KCNIP4: variants seen among roughly 807,000 people sequenced by gnomAD.
KCNIP4 encodes the protein potassium voltage-gated channel interacting protein 4, also known as Kv channel-interacting protein 4.
In KCNIP4, 12 loss-of-function variants were observed where a neutral mutation model predicts 34.0. The ratio of observed to expected loss-of-function variants is 0.35; its 90% confidence interval spans 0.23 to 0.57. KCNIP4 has a LOEUF of 0.57. Among genes scored for constraint, KCNIP4 ranks in the 20% least tolerant of loss-of-function variants. The probability of loss-of-function intolerance (pLI) is 0.83; values close to 1 mark genes in which losing one functional copy is unlikely to be tolerated. For missense variants in KCNIP4, 238 were observed against 311.7 expected (o/e 0.76, Z 1.78); for synonymous variants, 124 against 102.2 (o/e 1.21, Z -1.29).
At chr4:20,888,219 A>G (rs1725530950) in intron 1 of KCNIP4, among the ~76,000 whole-genome samples, 1 of 152,148 alleles carries the variant, frequency 6.6e-6, no homozygotes, top group African/African-American at 2.4e-5. Flanking sequence ...AAAATACATA[A>G]GATAGTAAAT....
chr4:20,800,207 A>G (rs1714049951), intron 3 of KCNIP4, among the ~76,000 whole-genome samples: 1 of 152,234 alleles, frequency 6.6e-6, no homozygotes, highest in Admixed American at 6.5e-5. Flanking sequence ...AGCTGCATAC[A>G]GACTGTATCA....
At chr4:20,903,784 T>A (rs1318033654) in intron 1 of KCNIP4, among the ~76,000 whole-genome samples, 1 of 152,132 alleles carries the variant, frequency 6.6e-6, no homozygotes, top group Non-Finnish European at 1.5e-5. Context: ...AGAATAAACC[T>A]CTTCAAATAT....
chr4:21,423,422 T>A (rs1426650081), intron 1 of KCNIP4, among the ~76,000 whole-genome samples: 2 of 152,224 alleles, frequency 1.3e-5, no homozygotes, highest in African/African-American at 4.8e-5. Context: ...ACTTACAGAA[T>A]GCATTGTTCC....
intron 1 of KCNIP4, among the ~76,000 whole-genome samples, chr4:21,070,025 C>T (rs555389432): frequency 1.3e-5 from 2 of 152,312 alleles, no homozygotes; most frequent in Admixed American, 6.5e-5. Flanking sequence ...TGGGCAATCA[C>T]TAACCTCGGA....
At chr4:20,987,370 A>G (rs1462599705) in intron 1 of KCNIP4, among the ~76,000 whole-genome samples, 2 of 151,840 alleles carry the variant, frequency 1.3e-5, no homozygotes, top group East Asian at 3.9e-4. Context: ...CTTTCTTTAC[A>G]TTGTAATGAG....
intron 1 of KCNIP4, among the ~76,000 whole-genome samples, chr4:21,536,966 A>C (rs1390763204): frequency 6.6e-6 from 1 of 152,146 alleles, no homozygotes; most frequent in African/African-American, 2.4e-5. Context: ...GCTGTTTCCA[A>C]AACAGGCCAA....
intron 1 of KCNIP4, among the ~76,000 whole-genome samples, chr4:21,345,144 G>A (rs967172103): frequency 2.0e-5 from 3 of 152,076 alleles, no homozygotes; most frequent in African/African-American, 7.2e-5. Context: ...CTTCTGTCTT[G>A]GGAGGGCTCT....
chr4:20,850,684 GAA>G lies in KCNIP4; in HGVS notation c.164-19_164-18del. On this transcript the variant is annotated intron_variant, in intron 2 of 8. Coordinates refer to ENST00000382152, the MANE Select transcript of KCNIP4 (RefSeq NM_025221.6). The stretch of plus-strand genomic sequence containing the variant: ...CCACGCTGTCTGTGGAGGAAAACAA[GAA>G]AGAGTCTTAGGACCAGCCACTGCTC... 6.2e-7 allele frequency: 1 copy of G among 1,610,246 alleles called. No individual in the cohort carries two copies. The highest frequency in any genetic ancestry group is 8.5e-7 in the Non-Finnish European group (1 of 1,178,860).
chr4:21,741,554 A>G (rs1399679478), intron 1 of KCNIP4, among the ~76,000 whole-genome samples: 1 of 152,134 alleles, frequency 6.6e-6, no homozygotes, highest in Non-Finnish European at 1.5e-5. Context: ...TCTATACTTT[A>G]AGCCTCACCA....
intron 1 of KCNIP4, among the ~76,000 whole-genome samples, chr4:20,982,623 T>C (rs1413945810): frequency 6.6e-6 from 1 of 152,266 alleles, no homozygotes; most frequent in Non-Finnish European, 1.5e-5. Context: ...TGTTCTTATA[T>C]TGTCTAAACA....
At chr4:21,346,471 A>T (rs1381926812) in intron 1 of KCNIP4, among the ~76,000 whole-genome samples, 2 of 150,542 alleles carry the variant, frequency 1.3e-5, no homozygotes, top group Admixed American at 1.4e-4. Flanking sequence ...TTTGATGTGG[A>T]AATGAATTTC....
intron 1 of KCNIP4, among the ~76,000 whole-genome samples, chr4:21,271,280 A>G (rs1271187810): frequency 6.6e-6 from 1 of 152,194 alleles, no homozygotes; most frequent in African/African-American, 2.4e-5. Context: ...AGTGTCTGAC[A>G]GGTTATGGTC....
rs1315494750 is a variant in KCNIP4 at position 21,113,256 on chromosome 4, A to T, written c.62-230547T>A. Among the ~76,000 whole-genome samples, 6 of 152,196 alleles carry T rather than the reference A, an allele frequency of 3.9e-5. No homozygotes were observed. The East Asian group carries it at 1.2e-3, about 29-fold the overall frequency. The stretch of plus-strand genomic sequence containing the variant: ...GAAACAAGTTCTTTCAAAAGTAACA[A>T]AGAAAATCTCATCAAATTGGATTTC... On this transcript the variant is annotated intron_variant, in intron 1 of 8. Coordinates refer to ENST00000382152, the MANE Select transcript of KCNIP4 (RefSeq NM_025221.6).
At chr4:20,749,258 C>G (rs1212386017) in intron 5 of KCNIP4, among the ~76,000 whole-genome samples, 1 of 151,882 alleles carries the variant, frequency 6.6e-6, no homozygotes. Context: ...TAGTCTTTTT[C>G]TACATTTAAT....
intron 1 of KCNIP4, among the ~76,000 whole-genome samples, chr4:21,924,175 T>G (rs1414035740): frequency 6.6e-6 from 1 of 152,018 alleles, no homozygotes; most frequent in Non-Finnish European, 1.5e-5. Context: ...CTCCTTTAAC[T>G]GAATAGTAAT....
intron 1 of KCNIP4, among the ~76,000 whole-genome samples, chr4:21,795,076 A>C (rs1056638690): frequency 2.0e-5 from 3 of 152,130 alleles, no homozygotes; most frequent in Admixed American, 6.5e-5. Flanking sequence ...TCAAACTGAG[A>C]TTGTACCTCA....
chr4:21,515,579 C>A (rs1734690420), intron 1 of KCNIP4, among the ~76,000 whole-genome samples: 3 of 152,038 alleles, frequency 2.0e-5, no homozygotes, highest in Non-Finnish European at 4.4e-5. Flanking sequence ...GCGGAGCTTG[C>A]AGTGAGCCGA....
At chr4:21,854,487 T>C (rs1306201788) in intron 1 of KCNIP4, among the ~76,000 whole-genome samples, 1 of 152,190 alleles carries the variant, frequency 6.6e-6, no homozygotes, top group East Asian at 1.9e-4. Context: ...TCTCCCCTTT[T>C]GAGTGTTTAT....
chr4:21,707,806 G>C (rs1045317563), intron 1 of KCNIP4, among the ~76,000 whole-genome samples: 1 of 152,056 alleles, frequency 6.6e-6, no homozygotes, highest in Non-Finnish European at 1.5e-5. Flanking sequence ...TGAGGGGTCA[G>C]TATGGTTAGG....
Sources: gnomAD v4.1 joint callset for allele counts (sites outside exome capture counted in the v4.1 genomes callset) on GRCh38, gnomAD v4.1.1 for gene constraint, MANE v1.5 for transcripts, NCBI Gene and HGNC (gene_info 2026-07-23, HGNC 2026-07-21) for gene names.